Variants in DYTN observed in about 807,000 individuals in gnomAD.
DYTN encodes the protein dystrotelin.
DYTN carries 75 observed loss-of-function variants against 69.6 expected under a neutral mutation model. That is an observed-to-expected ratio of 1.08 (90% confidence interval 0.89 to 1.31). The LOEUF is 1.31. Ranked by LOEUF, DYTN falls within the 50% of genes most tolerant of loss-of-function variation. The pLI is 0.00. For missense variants in DYTN, 726 were observed against 688.4 expected (o/e 1.05, Z -0.61); for synonymous variants, 252 against 249.1 (o/e 1.01, Z -0.11).
intron 1 of DYTN, among the ~76,000 whole-genome samples, chr2:206,711,312 C>T (rs1010587564): frequency 4.6e-5 from 7 of 152,282 alleles, no homozygotes; most frequent in Admixed American, 6.5e-5. Context: ...ACAACAATAG[C>T]GAGCATTCCT....
At chr2:206,661,739 A>T (rs147340719) in intron 11 of DYTN, among the ~76,000 whole-genome samples, 1 of 152,216 alleles carries the variant, frequency 6.6e-6, no homozygotes, top group Non-Finnish European at 1.5e-5. Flanking sequence ...GTTCATTGGT[A>T]AGGCTTCCAG....
chr2:206,712,530 T>G (rs1021652319), intron 1 of DYTN, among the ~76,000 whole-genome samples: 3 of 152,062 alleles, frequency 2.0e-5, no homozygotes, highest in Non-Finnish European at 4.4e-5. Flanking sequence ...GAAAGTGGTT[T>G]TCAAAGGCAG....
At chr2:206,664,972 G>A (rs1007451010) in intron 10 of DYTN, among the ~76,000 whole-genome samples, 1 of 152,132 alleles carries the variant, frequency 6.6e-6, no homozygotes, top group Non-Finnish European at 1.5e-5. Flanking sequence ...ATGAAACAGC[G>A]TGACATAAAT....
At chr2:206,717,039 T>C (rs563021161) in intron 1 of DYTN, among the ~76,000 whole-genome samples, 88 of 69,882 alleles carry the variant, frequency 1.3e-3, no homozygotes, top group South Asian at 0.01. Flanking sequence ...TTTCTGCCGA[T>C]GCAAACACAC....
intron 11 of DYTN, 141 bp downstream of exon 11, chr2:206,662,762 A>T (rs1699526988): frequency 1.5e-6 from 2 of 1,292,630 alleles, no homozygotes; most frequent in Admixed American, 4.7e-5. Context: ...AAGTTCAGAG[A>T]TGCTACTGAT....
At chr2:206,703,499 A>G (rs1337789533) in intron 5 of DYTN, among the ~76,000 whole-genome samples, 1 of 152,138 alleles carries the variant, frequency 6.6e-6, no homozygotes, top group East Asian at 1.9e-4. Context: ...TATGCCTGAT[A>G]TTCTAACCTT....
intron 9 of DYTN, among the ~76,000 whole-genome samples, chr2:206,684,109 GAAC>G (rs1197303413): frequency 6.6e-6 from 1 of 150,704 alleles, no homozygotes; most frequent in Non-Finnish European, 1.5e-5. Flanking sequence ...CAAGTTCCTA[GAAC>G]AACATTCAAT....
intron 11 of DYTN, among the ~76,000 whole-genome samples, chr2:206,660,803 C>T (rs1045543788): frequency 2.0e-5 from 3 of 152,020 alleles, no homozygotes; most frequent in Admixed American, 6.6e-5. Flanking sequence ...TTAGAATCGC[C>T]GAATAATTAG....
intron 1 of DYTN, among the ~76,000 whole-genome samples, chr2:206,712,875 G>T (rs556007610): frequency 6.6e-6 from 1 of 152,196 alleles, no homozygotes; most frequent in Non-Finnish European, 1.5e-5. Context: ...AATGAATCTG[G>T]GTTCAAGGAC....
At chr2:206,690,634 C>T (rs1699854150) in intron 9 of DYTN, among the ~76,000 whole-genome samples, 1 of 152,126 alleles carries the variant, frequency 6.6e-6, no homozygotes, top group Non-Finnish European at 1.5e-5. Flanking sequence ...GAAGGTACAA[C>T]CAACAAGATT....
At chr2:206,714,480 G>A (rs1443139510) in intron 1 of DYTN, among the ~76,000 whole-genome samples, 2 of 152,238 alleles carry the variant, frequency 1.3e-5, no homozygotes, top group Non-Finnish European at 2.9e-5. Context: ...GGGATTACAG[G>A]CGTGAGCCAC....
At chr2:206,691,362 G>A (rs1001398670) in intron 9 of DYTN, among the ~76,000 whole-genome samples, 21 of 152,054 alleles carry the variant, frequency 1.4e-4, no homozygotes, top group African/African-American at 3.9e-4. Flanking sequence ...GCAGCGAGCC[G>A]AGATGGTGCC....
chr2:206,679,172 A>G (rs1331237287), intron 9 of DYTN: 3 of 152,176 alleles, frequency 2.0e-5, no homozygotes, highest in Non-Finnish European at 2.9e-5. Flanking sequence ...TGGAGACGCT[A>G]TTACTGAGTT....
At chr2:206,708,062 T>C (rs1700044818) in intron 2 of DYTN, among the ~76,000 whole-genome samples, 1 of 152,230 alleles carries the variant, frequency 6.6e-6, no homozygotes, top group East Asian at 1.9e-4. Context: ...AGTCTGAGAA[T>C]TCTGCAACTC....
chr2:206,663,458 T>C, intron 10 of DYTN, 63 bp from the exon 11 acceptor site: 1 of 1,466,128 alleles, frequency 6.8e-7, no homozygotes, highest in Non-Finnish European at 9.0e-7. Context: ...CATAAATGCA[T>C]TACATTTCAA....
At chr2:206,661,267 T>C (rs1444544089) in intron 11 of DYTN, among the ~76,000 whole-genome samples, 1 of 152,198 alleles carries the variant, frequency 6.6e-6, no homozygotes, top group Non-Finnish European at 1.5e-5. Flanking sequence ...TGTGTTACTG[T>C]GTTATAGCAG....
At chr2:206,668,081 G>A (rs1483439181) in intron 9 of DYTN, among the ~76,000 whole-genome samples, 1 of 152,170 alleles carries the variant, frequency 6.6e-6, no homozygotes, top group African/African-American at 2.4e-5. Flanking sequence ...TCTTTATGAT[G>A]GGTTTCTCAG....
chr2:206,678,017 A>G (rs946412332), intron 9 of DYTN, among the ~76,000 whole-genome samples: 1 of 152,200 alleles, frequency 6.6e-6, no homozygotes, highest in Non-Finnish European at 1.5e-5. Context: ...CGCTTTTATA[A>G]GAATTGAAAG....
At chr2:206,714,144 C>G (rs913501546) in intron 1 of DYTN, among the ~76,000 whole-genome samples, 4 of 152,194 alleles carry the variant, frequency 2.6e-5, no homozygotes, top group African/African-American at 7.2e-5. Context: ...TAAGTCTAAG[C>G]TATTTTCACT....
Sources: allele counts gnomAD v4.1 joint callset (sites outside exome capture counted in the v4.1 genomes callset), GRCh38; gene constraint gnomAD v4.1.1; transcripts MANE v1.5; gene names NCBI Gene and HGNC (gene_info 2026-07-23, HGNC 2026-07-21).